Variants in RECQL4 observed in about 807,000 individuals in gnomAD.
RECQL4 encodes the protein ATP-dependent DNA helicase Q4.
A neutral mutation model predicts 128.6 loss-of-function variants in RECQL4; 158 were observed. The ratio of observed to expected loss-of-function variants is 1.23; its 90% CI spans 1.08 to 1.40. The LOEUF is 1.40. Among genes scored for constraint, RECQL4 ranks in the 40% most tolerant of loss-of-function variants. The pLI, the probability that RECQL4 is intolerant of heterozygous loss-of-function variation, is 0.00. For synonymous variants in RECQL4, 996 were observed against 678.9 expected, an observed-to-expected ratio of 1.47 and a Z score of -7.26; for missense variants, 2,293 against 1,649.8, an observed-to-expected ratio of 1.39 and a Z score of -6.75.
At chr8:144,515,721 C>G in intron 6 of RECQL4, 43 bp downstream of exon 6, 2 of 1,604,828 alleles carry the variant, frequency 1.2e-6, no homozygotes, top group Non-Finnish European at 1.7e-6. Flanking sequence ...TGCGCCCTCT[C>G]CACAGTGTTG....
chr8:144,511,801 G>A lies in RECQL4; in HGVS notation c.3394-12C>T. ...TCCCAATCCTGGAGCTGTGTGGACAGGCACATCAGGCTTCCTCTGAGCTCC... is the reference window on the plus strand; with the variant it reads ...TCCCAATCCTGGAGCTGTGTGGACAAGCACATCAGGCTTCCTCTGAGCTCC... On this transcript the variant is annotated splice_polypyrimidine_tract_variant and intron_variant, in intron 19 of 20. Coordinates refer to ENST00000617875, the MANE Select transcript of RECQL4 (RefSeq NM_004260.4). 6.2e-7 allele frequency: 1 copy of A among 1,612,214 alleles called. No homozygotes were observed. Among genetic ancestry groups the A allele is most frequent in the East Asian group, 2.2e-5 (1 of 44,890 alleles).
chr8:144,513,800 T>TCGGCGTGGGCGGTGGGGCGA, intron 12 of RECQL4, 88 bp from the exon 13 acceptor site: 1 of 794,530 alleles, frequency 1.3e-6, no homozygotes. Flanking sequence ...GCGTGGGGAG[T>TCGGCGTGGGCGGTGGGGCGA]GAGGAGGGGT....
In RECQL4 at chr8:144,512,879, A is replaced by G. The variant is rs1244850943; in HGVS notation, c.2723T>C (p.Leu908Pro). ...MGHERALPIQ[L>P]TVQALDMPEE... Reference sequence around the variant, plus strand: ...CGGCATGTCCAAAGCCTGTACGGTAAGCTGTATTGGGAGTGCCCGCTCATG... The same window carrying G: ...CGGCATGTCCAAAGCCTGTACGGTAGGCTGTATTGGGAGTGCCCGCTCATG... Residue 908 changes from leucine (L) to proline (P), a missense_variant, in exon 15 of 21, where the codon CTT becomes CCT. Physicochemically the swap from Leu to Pro is moderately conservative, Grantham distance 98 (BLOSUM62 -3). Coordinates refer to ENST00000617875, the MANE Select transcript of RECQL4 (RefSeq NM_004260.4). 1 of 1,597,524 alleles carries G rather than the reference A, an allele frequency of 6.3e-7. No homozygotes were observed. Among genetic ancestry groups the G allele is most frequent in the South Asian group, 1.1e-5 (1 of 88,902 alleles).
chr8:144,516,943 T>TGGCA (rs1457535169), intron 4 of RECQL4, 107 bp downstream of exon 4: 1 of 1,472,518 alleles, frequency 6.8e-7, no homozygotes, highest in African/African-American at 1.4e-5. Flanking sequence ...GTGCCCTGGT[T>TGGCA]GGCACAGGGG....
rs558779399 is a variant in RECQL4 at position 144,515,794 on chromosome 8, C to T, written c.1228G>A (p.Asp410Asn). 24 of 1,612,566 alleles carry T rather than the reference C, an allele frequency of 1.5e-5. No individual in the cohort carries two copies. Among genetic ancestry groups the T allele is most frequent in the Admixed American group, 3.3e-5 (2 of 59,944 alleles). Residue 410 changes from aspartate (D) to asparagine (N), a missense_variant, in exon 6 of 21, where the codon GAT becomes AAT. Asp to Asn is a conservative substitution (Grantham distance 23). Transcript: ENST00000617875. ...CGGGGACACTGGGCTGCCCAGTGAT[C>T]GAACTGCTCGTTCAGGAAACAAGAC... ...KESCFLNEQF[D>N]HWAAQCPRPA...
At chr8:144,513,864 G>A (rs111581617) in intron 12 of RECQL4, 64 bp downstream of exon 12, 2 of 1,316,078 alleles carry the variant, frequency 1.5e-6, no homozygotes, top group Non-Finnish European at 2.1e-6. Context: ...GGGGAGTGAG[G>A]AGGGGTCGGC....
rs199658221 is a variant in RECQL4 at position 144,512,196 on chromosome 8, G to C, written c.3184C>G (p.Arg1062Gly). Residue 1062 changes from arginine to glycine, a missense_variant, in exon 18 of 21, where the codon CGG (arginine) becomes GGG (glycine). Coordinates refer to ENST00000617875, the MANE Select transcript of RECQL4 (RefSeq NM_004260.4). ...CDFLYGRVQA[R>G]ERQALARLRR... is the part of the protein sequence containing the mutation. ...AGACGGGCCAGGGCCTGGCGCTCCC[G>C]GGCCTGCACACGGCCATAGAGGAAG... 4.3e-6 allele frequency: 7 copies of C among 1,611,750 alleles called. No homozygotes were observed. Among genetic ancestry groups the C allele is most frequent in the Non-Finnish European group, 5.1e-6 (6 of 1,179,614 alleles).
rs1023001689 is a variant in RECQL4, at chr8:144,516,692, G to C, written c.427C>G (p.Pro143Ala). 3.8e-6 allele frequency: 6 copies of C among 1,561,650 alleles called. No individual in the cohort carries two copies. The African/African-American group carries it at 5.5e-5, about 14-fold the overall frequency. The change falls in exon 5 of 21, where the codon CCA becomes GCA. Residue 143 changes from proline (P) to alanine (A), a missense_variant. By Grantham distance (27) the Pro-to-Ala change is conservative. Transcript: ENST00000617875. ...AAGGAGGGGACAGGCCCTGTACCTG[G>C]GGGCTTTGGGGTGGATGCCTTAGAT... is the stretch of plus-strand genomic sequence containing the variant. Reference protein sequence around the residue: ...ASSKASTPKPPGTGPVPSFAE... With the variant: ...ASSKASTPKPAGTGPVPSFAE...
Position 144,511,929 on chromosome 8 carries a change from G to A in RECQL4, c.3375C>T (p.Pro1125=), listed in dbSNP as rs749208991. 35 of 1,610,774 alleles carry A rather than the reference G, an allele frequency of 2.2e-5. No homozygotes were observed. The highest frequency in any genetic ancestry group is 4.0e-5 in the African/African-American group (3 of 74,942). Residue 1125 remains proline, a synonymous_variant, in exon 19 of 21, where the codon CCC becomes CCT. Coordinates refer to ENST00000617875, the MANE Select transcript of RECQL4 (RefSeq NM_004260.4). ...EPGGMEDAQG[P]EPGQARLQDW... is the part of the protein sequence containing the mutation. ...CACTCACTCTGGCCTGCCCTGGCTC[G>A]GGGCCCTGTGCGTCCTCCATGCCTC...
rs2130670597 is a variant in RECQL4, at chr8:144,512,946, T to C, written c.2656A>G (p.Ser886Gly). 6.3e-7 allele frequency: 1 copy of C among 1,575,068 alleles called. No homozygotes were observed. The highest frequency in any genetic ancestry group is 1.8e-5 in the Admixed American group (1 of 54,254). The change falls in exon 15 of 21, where the codon AGC (serine) becomes GGC (glycine). Residue 886 changes from serine to glycine, a missense_variant. Physicochemically the swap from Ser to Gly is moderately conservative, Grantham distance 56. Transcript: ENST00000617875. ...CTGGGTCCTGGGGCTGCTTGGTGGC[T>C]AAGCTGCTCAGCCTCTTGAGGGGGG... ...KYPPQEAEQL[S>G]HQAAPGPRRV...
chr8:144,516,414 C>T lies in RECQL4; in HGVS notation c.705G>A (p.Gln235=), dbSNP rs1177971610. 1 of 1,609,324 alleles carries T rather than the reference C, an allele frequency of 6.2e-7. No homozygotes were observed. Among genetic ancestry groups the T allele is most frequent in the African/African-American group, 1.3e-5 (1 of 75,044 alleles). The change falls in exon 5 of 21, where the codon CAG becomes CAA. Residue 235 remains glutamine, a synonymous_variant. Transcript: ENST00000617875. ...SAVLGPGAGS[Q]GPEASAFQEV... is the part of the protein sequence containing the mutation. Reference sequence around the variant, plus strand: ...CTTGGAAGGCTGAAGCCTCTGGGCCCTGGGAGCCAGCACCAGGACCAAGGA... The same window carrying T: ...CTTGGAAGGCTGAAGCCTCTGGGCCTTGGGAGCCAGCACCAGGACCAAGGA...
rs1383587887 is a variant in RECQL4 at position 144,516,260 on chromosome 8, C to T, written c.859G>A (p.Glu287Lys). The T allele has an allele frequency of 1.9e-6, 3 of 1,612,326 alleles. No individual in the cohort carries two copies. The highest frequency in any genetic ancestry group is 2.5e-6 in the Non-Finnish European group (3 of 1,179,638). Reference sequence around the variant, plus strand: ...TCAACTGCTACAGCCCCAGCCCCCTCCGATGGGGGTCCAGCTTGGCTGCTC... The same window carrying T: ...TCAACTGCTACAGCCCCAGCCCCCTTCGATGGGGGTCCAGCTTGGCTGCTC... ...QESSQAGPPSEGAGAVAVEED... is the reference protein window; with the variant it reads ...QESSQAGPPSKGAGAVAVEED... Residue 287 changes from glutamate to lysine, a missense_variant, in exon 5 of 21, where the codon GAG (glutamate) becomes AAG (lysine). By Grantham distance (56) the Glu-to-Lys change is moderately conservative. Coordinates refer to ENST00000617875, the MANE Select transcript of RECQL4 (RefSeq NM_004260.4).
In RECQL4 at chr8:144,516,901, G is replaced by A. The variant is rs113668830; in HGVS notation, c.355-137C>T. The A allele has an allele frequency of 2.3e-4, 313 of 1,385,096 alleles. 2 individuals carry two copies. In the African/African-American group the frequency reaches 3.7e-3, roughly 16 times the overall value. The allele number at this position is 1,385,096 out of a possible 1,614,324, so 85.8% of individuals were successfully genotyped here. ...AGGCTGGACTAGAAAGGGAGTCAAG[G>A]GCGAAGGCCCCGAGAAGCTCCCTGA... On this transcript the variant is annotated intron_variant, in intron 4 of 20. Transcript: ENST00000617875.
Position 144,513,204 on chromosome 8 carries a change from G to T in RECQL4, c.2463+14C>A, listed in dbSNP as rs759774724. ...GGCTCGAGCACTGGCAGTGTGGGGG[G>T]GGGGGGTGCCAACCTGGGGCTGCAG... On this transcript the variant is annotated intron_variant, in intron 14 of 20. Transcript: ENST00000617875. 3 of 1,562,758 alleles carry T rather than the reference G, an allele frequency of 1.9e-6. No individual in the cohort carries two copies. Among genetic ancestry groups the T allele is most frequent in the East Asian group, 2.3e-5 (1 of 44,014 alleles).
In RECQL4 at chr8:144,516,193, T is replaced by G. The variant is rs2130719699; in HGVS notation, c.926A>C (p.Gln309Pro). The G allele has an allele frequency of 1.2e-6, 2 of 1,613,382 alleles. No homozygotes were observed. Among genetic ancestry groups the G allele is most frequent in the Non-Finnish European group, 1.7e-6 (2 of 1,179,850 alleles). ...PGEPVQAQPP[Q>P]PCSSPSNPRY... Reference sequence around the variant, plus strand: ...GGGGTTCGATGGGCTGCTGCAGGGCTGAGGTGGCTGTGCCTGTACAGGTTC... The same window carrying G: ...GGGGTTCGATGGGCTGCTGCAGGGCGGAGGTGGCTGTGCCTGTACAGGTTC... The change falls in exon 5 of 21, where the codon CAG becomes CCG. Residue 309 changes from glutamine to proline, a missense_variant. By Grantham distance (76) the Gln-to-Pro change is moderately conservative. Coordinates refer to ENST00000617875, the MANE Select transcript of RECQL4 (RefSeq NM_004260.4).
At position 144,515,011 on chromosome 8, in the gene RECQL4, T is replaced by A. The variant is rs773560213; in HGVS notation, c.1545A>T (p.Pro515=). 1 of 1,611,100 alleles carries A rather than the reference T, an allele frequency of 6.2e-7. No homozygotes were observed. The highest frequency in any genetic ancestry group is 1.1e-5 in the South Asian group (1 of 90,810). ...GAGKSLCYQL[P]ALLYSRRSPC... ...GGCTGCGCCGGCTGTAGAGCAGCGC[T>A]GGGAGCTGGTAGCACAGGGACTTGC... Residue 515 remains proline (P), a synonymous_variant, in exon 9 of 21, where the codon CCA becomes CCT. Transcript: ENST00000617875.
At position 144,511,723 on chromosome 8, in the gene RECQL4, TCTC is replaced by T. The variant is rs780986647; in HGVS notation, c.3457_3459del (p.Glu1153del). ...CGGGCCACAGCCCTGCTGGAGAACT[TCTC>T]CTCTGGCCTCAGGGACAGGAACTGG... On this transcript the variant is annotated inframe_deletion, in exon 20 of 21. Transcript: ENST00000617875. 34 of 1,612,496 alleles carry T rather than the reference TCTC, an allele frequency of 2.1e-5. No homozygotes were observed. In the East Asian group the frequency reaches 4.7e-4, roughly 22 times the overall value.
rs766718254 is a variant in RECQL4, at chr8:144,515,358, A to G, written c.1358T>C (p.Leu453Pro). 5.0e-6 allele frequency: 8 copies of G among 1,612,766 alleles called. No homozygotes were observed. Among genetic ancestry groups the G allele is most frequent in the Non-Finnish European group, 5.9e-6 (7 of 1,179,840 alleles). Residue 453 changes from leucine to proline, a missense_variant, in exon 7 of 21, where the codon CTC (leucine) becomes CCC (proline). Physicochemically the swap from Leu to Pro is moderately conservative, Grantham distance 98. Transcript: ENST00000617875. ...CTGCCCTGAGGGCCCCAGGGAGTAG[A>G]GTGGCAGCACGGTGGGGTCCAGGCT... ...VPSLDPTVLP[L>P]YSLGPSGQLA... is the part of the protein sequence containing the mutation.
At position 144,511,538 on chromosome 8, in the gene RECQL4, C is replaced by T; in HGVS notation, c.3520G>A (p.Ala1174Thr). ...CGTCGGTCCTGCCCGTACACCTGGG[C>T]CGGGTAGCAGGGGCTTCCTACGGTG... ...FHGIGSPCYPAQVYGQDRRFW... is the reference protein window; with the variant it reads ...FHGIGSPCYPTQVYGQDRRFW... The change falls in exon 21 of 21, where the codon GCC becomes ACC. Residue 1174 changes from alanine to threonine, a missense_variant. By Grantham distance (58) the Ala-to-Thr change is moderately conservative (BLOSUM62 0). Coordinates refer to ENST00000617875, the MANE Select transcript of RECQL4 (RefSeq NM_004260.4). The T allele has an allele frequency of 1.2e-6, 2 of 1,612,382 alleles. No homozygotes were observed. Among genetic ancestry groups the T allele is most frequent in the Non-Finnish European group, 1.7e-6 (2 of 1,179,628 alleles).
Sources: gnomAD v4.1 joint callset for allele counts on GRCh38, gnomAD v4.1.1 for gene constraint, MANE v1.5 for transcripts, NCBI Gene and HGNC (gene_info 2026-07-23, HGNC 2026-07-21) for gene names.